Variants in AIG1 observed in about 807,000 individuals in gnomAD.
AIG1 encodes the protein androgen induced 1.
A neutral mutation model predicts 31.4 loss-of-function variants in AIG1; 23 were observed. The observed-to-expected ratio is 0.73, with a 90% CI of 0.53 to 1.04. The LOEUF is 1.04. AIG1 is among the 50% of genes least tolerant of loss of function. AIG1 has a pLI of 0.00. For synonymous variants in AIG1, 100 were observed against 110.5 expected (o/e 0.90, Z 0.60); for missense variants, 274 against 295.0 (o/e 0.93, Z 0.52).
chr6:143,333,402 G>C lies in AIG1; in HGVS notation c.636G>C (p.Leu212=), dbSNP rs1267802127. 6.2e-7 allele frequency: 1 copy of C among 1,613,496 alleles called. No individual in the cohort carries two copies. Among genetic ancestry groups the C allele is most frequent in the Non-Finnish European group, 8.5e-7 (1 of 1,179,878 alleles). The change falls in exon 5 of 6, where the codon CTG becomes CTC. Residue 212 remains leucine (L), a synonymous_variant. Transcript: ENST00000357847. This position sits in a 1 kb window ranked among gnomAD's most constrained non-coding sequence, Gnocchi z 4.6. ...STTILMNFLY[L]LGEVLNNYIW... ...CCATCTTAATGAACTTCCTGTACCT[G>C]CTGGGAGAAGTTCTGAACAACTATA... is the stretch of plus-strand genomic sequence containing the variant.
chr6:143,275,696 T>A (rs1436123152), intron 3 of AIG1, among the ~76,000 whole-genome samples: 1 of 152,190 alleles, frequency 6.6e-6, no homozygotes, highest in Non-Finnish European at 1.5e-5. Context: ...CACCATGATA[T>A]GAGATCTTTC....
intron 2 of AIG1, among the ~76,000 whole-genome samples, chr6:143,157,451 C>CTTTTTTTTTT (rs5880557): frequency 7.4e-6 from 1 of 134,740 alleles, no homozygotes; most frequent in Non-Finnish European, 1.6e-5. Context: ...TTTTTTTTTC[C>CTTTTTTTTTT]TTTTTTTTTT....
chr6:143,075,600 G>A (rs181330401), intron 1 of AIG1, among the ~76,000 whole-genome samples: 11 of 152,230 alleles, frequency 7.2e-5, no homozygotes, highest in Admixed American at 3.3e-4. Flanking sequence ...GCCACTGTGC[G>A]AGGCTGATTT....
rs1470290514 is a variant in AIG1 at position 143,299,670 on chromosome 6, A to C, written c.515+15445A>C. 1 of 152,244 alleles carries C rather than the reference A, an allele frequency of 6.6e-6. No individual in the cohort carries two copies. The highest frequency in any genetic ancestry group is 1.5e-5 in the Non-Finnish European group (1 of 68,052). The allele number at this position is 152,244 out of a possible 1,614,324, so 9.4% of individuals were successfully genotyped here. Reference sequence around the variant, plus strand: ...TTCGAAAACCACAGTATGATGCTGCACAGTCATGTAATTTATGACACACAA... The same window carrying C: ...TTCGAAAACCACAGTATGATGCTGCCCAGTCATGTAATTTATGACACACAA... On this transcript the variant is annotated intron_variant, in intron 4 of 5. Coordinates refer to ENST00000357847, the MANE Select transcript of AIG1 (RefSeq NM_016108.4). This position sits in a 1 kb window ranked among gnomAD's most constrained non-coding sequence, Gnocchi z 4.1.
chr6:143,320,820 ATTTTTT>A (rs35582590), intron 4 of AIG1, among the ~76,000 whole-genome samples: 1 of 134,442 alleles, frequency 7.4e-6, no homozygotes, highest in Admixed American at 7.4e-5. Context: ...AAGCGAGTAG[ATTTTTT>A]TTTTTTTTTT....
intron 3 of AIG1, among the ~76,000 whole-genome samples, chr6:143,196,528 A>G (rs1430910636): frequency 3.9e-5 from 6 of 152,204 alleles, no homozygotes; most frequent in Admixed American, 3.3e-4. Flanking sequence ...GAGATAAGCC[A>G]TTTGATTCTG....
In AIG1 at chr6:143,248,415, TTAGAGACACCAA is replaced by T. The variant is rs1794766369; in HGVS notation, c.400-35694_400-35683del. 5.3e-5 allele frequency among the ~76,000 whole-genome samples: 8 copies of T among 152,256 alleles called. No homozygotes were observed. In the South Asian group the frequency reaches 1.7e-3, roughly 32 times the overall value. On this transcript the variant is annotated intron_variant, in intron 3 of 5. Transcript: ENST00000357847. ...CAGTACCCTCAAATATAGGGTGTAA[TTAGAGACACCAA>T]GCTATAGCTTGTTGCTTTAAAGACT...
At chr6:143,287,367 T>A (rs1797757990) in intron 4 of AIG1, among the ~76,000 whole-genome samples, 1 of 152,086 alleles carries the variant, frequency 6.6e-6, no homozygotes. Context: ...TCTTGCCCAT[T>A]TTACAGGGAA....
downstream of AIG1, among the ~76,000 whole-genome samples, chr6:143,341,590 G>A (rs1777857720): frequency 6.6e-6 from 1 of 152,238 alleles, no homozygotes; most frequent in South Asian, 2.1e-4. Flanking sequence ...GAAAGACCAT[G>A]TGAGGGCATG....
chr6:143,343,005 T>G (rs1298970539), downstream of AIG1: 2 of 918,540 alleles, frequency 2.2e-6, no homozygotes, highest in Non-Finnish European at 3.7e-6. Context: ...CTGCAGGTGT[T>G]ATTTCCAATT....
intron 1 of AIG1, among the ~76,000 whole-genome samples, chr6:143,113,183 C>A (rs1176700190): frequency 6.7e-6 from 1 of 149,182 alleles, no homozygotes; most frequent in Non-Finnish European, 1.5e-5. Context: ...AGAGCAAGAC[C>A]CTGAAAGACC....
chr6:143,103,365 C>G (rs1270856815), intron 1 of AIG1, among the ~76,000 whole-genome samples: 1 of 152,164 alleles, frequency 6.6e-6, no homozygotes, highest in Non-Finnish European at 1.5e-5. Flanking sequence ...AGGAGCCACA[C>G]TGCTTTGTGG....
chr6:143,138,266 G>A (rs1352820049), intron 2 of AIG1, among the ~76,000 whole-genome samples: 1 of 152,158 alleles, frequency 6.6e-6, no homozygotes, highest in African/African-American at 2.4e-5. Flanking sequence ...GCATAGCAGA[G>A]TTTAATGCTT....
chr6:143,097,958 A>G lies in AIG1; in HGVS notation c.141+36892A>G, dbSNP rs898104047. On this transcript the variant is annotated intron_variant, in intron 1 of 5. Coordinates refer to ENST00000357847, the MANE Select transcript of AIG1 (RefSeq NM_016108.4). Reference sequence around the variant, plus strand: ...AACCTCATACCTACTCGAGCATTTTATTACTCAGAGTATCTCTCCTCCCTC... The same window carrying G: ...AACCTCATACCTACTCGAGCATTTTGTTACTCAGAGTATCTCTCCTCCCTC... Among the ~76,000 whole-genome samples, 7 of 152,248 alleles carry G rather than the reference A, an allele frequency of 4.6e-5. No individual in the cohort carries two copies. The South Asian group carries it at 6.2e-4, about 14-fold the overall frequency.
intron 2 of AIG1, among the ~76,000 whole-genome samples, chr6:143,141,445 A>G (rs1784238519): frequency 6.6e-6 from 1 of 152,256 alleles, no homozygotes; most frequent in African/African-American, 2.4e-5. Flanking sequence ...TCTCAAGGAT[A>G]CATAAAAATC....
At chr6:143,232,005 G>C (rs1793478235) in intron 3 of AIG1, among the ~76,000 whole-genome samples, 1 of 152,168 alleles carries the variant, frequency 6.6e-6, no homozygotes, top group Non-Finnish European at 1.5e-5. Flanking sequence ...TACCAAGTCA[G>C]GGGATCTCTC....
intron 3 of AIG1, among the ~76,000 whole-genome samples, chr6:143,221,770 C>A (rs1459810370): frequency 6.6e-6 from 1 of 152,160 alleles, no homozygotes; most frequent in African/African-American, 2.4e-5. Flanking sequence ...ATTCATGTAA[C>A]GTGCTTACAG....
chr6:143,061,130 G>A, intron 1 of AIG1, 64 bp downstream of exon 1: 1 of 1,555,824 alleles, frequency 6.4e-7, no homozygotes, highest in Non-Finnish European at 8.8e-7. Context: ...GTGTGTGTGT[G>A]TGTGTGTGTG....
intron 3 of AIG1, among the ~76,000 whole-genome samples, chr6:143,167,839 T>C (rs1787108499): frequency 1.3e-5 from 2 of 152,204 alleles, no homozygotes; most frequent in Non-Finnish European, 2.9e-5. Flanking sequence ...TGTGTCCTAA[T>C]AGTGATAAAT....
Sources: allele counts gnomAD v4.1 joint callset (sites outside exome capture counted in the v4.1 genomes callset), GRCh38; gene constraint gnomAD v4.1.1; non-coding constraint Gnocchi (gnomAD v3.1); transcripts MANE v1.5; gene names NCBI Gene and HGNC (gene_info 2026-07-23, HGNC 2026-07-21).